The following KCNH1 variants were observed in gnomAD, a reference collection of about 807,000 sequenced individuals.
KCNH1 encodes potassium voltage-gated channel subfamily H member 1, also known as voltage-gated delayed rectifier potassium channel KCNH1.
A neutral mutation model predicts 69.2 loss-of-function variants in KCNH1; 27 were observed. That is an observed-to-expected ratio of 0.39 (90% CI 0.29 to 0.54). KCNH1 has a LOEUF of 0.54. Ranked by LOEUF, KCNH1 falls within the 20% of genes least tolerant of loss-of-function variation. The pLI, the probability that KCNH1 is intolerant of heterozygous loss-of-function variation, is 0.68. For synonymous variants in KCNH1, 456 were observed against 487.7 expected, an observed-to-expected ratio of 0.93 and a Z score of 0.86; for missense variants, 798 against 1,261.6, an observed-to-expected ratio of 0.63 and a Z score of 5.57.
chr1:210,966,232 C>G (rs1423671024), intron 6 of KCNH1, among the ~76,000 whole-genome samples: 6 of 152,052 alleles, frequency 3.9e-5, no homozygotes, highest in Non-Finnish European at 7.4e-5. Flanking sequence ...CAAAAATTAA[C>G]TCGAGATGGA....
chr1:211,116,900 A>C (rs1018146868), intron 1 of KCNH1, among the ~76,000 whole-genome samples: 4 of 152,220 alleles, frequency 2.6e-5, no homozygotes, highest in African/African-American at 9.7e-5. Context: ...ATATAATAGT[A>C]ATGGAGCTGA....
At chr1:210,841,954 C>A (rs1057038319) in intron 7 of KCNH1, among the ~76,000 whole-genome samples, 2 of 152,112 alleles carry the variant, frequency 1.3e-5, no homozygotes, top group African/African-American at 4.8e-5. Context: ...AAACTTCTGA[C>A]AAGCAGGTTT....
intron 5 of KCNH1, among the ~76,000 whole-genome samples, chr1:211,080,306 A>G (rs1337281333): frequency 6.6e-6 from 1 of 152,214 alleles, no homozygotes; most frequent in African/African-American, 2.4e-5. Flanking sequence ...CCACTGCTCG[A>G]TGAAATAAAA....
rs201832384 is a variant in KCNH1 at position 211,082,762 on chromosome 1, C to T, written c.558+18G>A. On this transcript the variant is annotated intron_variant, in intron 5 of 10. Transcript: ENST00000271751. ...CCCTAAAAGTGAGGCTCAAGATGAG[C>T]TAACCCTTTGCCCTTACCTCTGCCA... 6.3e-5 allele frequency: 101 copies of T among 1,597,280 alleles called. No individual in the cohort carries two copies. The African/African-American group carries it at 9.2e-4, about 15-fold the overall frequency.
chr1:210,832,006 G>A (rs1254091418), intron 7 of KCNH1, among the ~76,000 whole-genome samples: 3 of 151,974 alleles, frequency 2.0e-5, no homozygotes, highest in South Asian at 2.1e-4. Context: ...AAATAGTTAC[G>A]TGTGGTTAGT....
intron 8 of KCNH1, 98 bp downstream of exon 8, chr1:210,803,869 G>A (rs967917964): frequency 2.0e-5 from 21 of 1,055,680 alleles, no homozygotes; most frequent in Middle Eastern, 2.8e-4. Flanking sequence ...TGAATTCTGA[G>A]CACAGCCAGG....
intron 9 of KCNH1, among the ~76,000 whole-genome samples, chr1:210,788,716 A>C (rs1220078564): frequency 5.2e-5 from 3 of 57,552 alleles, no homozygotes; most frequent in African/African-American, 8.1e-5. Flanking sequence ...TTTTTTTTTG[A>C]GACGGAGTCT....
At chr1:210,708,698 T>A (rs1681975731) in intron 10 of KCNH1, among the ~76,000 whole-genome samples, 1 of 152,118 alleles carries the variant, frequency 6.6e-6, no homozygotes. Context: ...TAACTAGTAA[T>A]TTTAACTGGA....
chr1:211,127,720 G>T (rs971858182), intron 1 of KCNH1, among the ~76,000 whole-genome samples: 10 of 152,116 alleles, frequency 6.6e-5, no homozygotes, highest in Non-Finnish European at 1.5e-4. Context: ...CCAAATGCTG[G>T]CAAGGATGTG....
At chr1:211,128,102 A>G (rs2102503507) in intron 1 of KCNH1, among the ~76,000 whole-genome samples, 1 of 152,252 alleles carries the variant, frequency 6.6e-6, no homozygotes, top group African/African-American at 2.4e-5. Context: ...CAGCCTGACC[A>G]ACATGGTGAA....
In KCNH1 at chr1:210,868,868, T is replaced by C. The variant is rs538067999; in HGVS notation, c.1462+50772A>G. Reference sequence around the variant, plus strand: ...TGTTTATTCTTTGCATTTATCCATGTATGATGTTTTTCCTTCATTTGTATA... The same window carrying C: ...TGTTTATTCTTTGCATTTATCCATGCATGATGTTTTTCCTTCATTTGTATA... On this transcript the variant is annotated intron_variant, in intron 7 of 10. Coordinates refer to ENST00000271751, the MANE Select transcript of KCNH1 (RefSeq NM_172362.3). Among the ~76,000 whole-genome samples, 27 of 152,276 alleles carry C rather than the reference T, an allele frequency of 1.8e-4. No homozygotes were observed. In the South Asian group the frequency reaches 3.7e-3, roughly 21 times the overall value.
chr1:210,741,910 C>G (rs530887121), intron 10 of KCNH1, among the ~76,000 whole-genome samples: 3 of 152,128 alleles, frequency 2.0e-5, no homozygotes, highest in South Asian at 4.1e-4. Context: ...AGAAGAGCCC[C>G]GCTAGATTAA....
intron 9 of KCNH1, among the ~76,000 whole-genome samples, chr1:210,794,054 T>A (rs1441820493): frequency 3.9e-5 from 6 of 152,174 alleles, no homozygotes; most frequent in Admixed American, 3.9e-4. Context: ...AATATAGTTA[T>A]AATACCCATT....
intron 6 of KCNH1, among the ~76,000 whole-genome samples, chr1:210,999,748 T>C (rs182654856): frequency 6.6e-6 from 1 of 152,188 alleles, no homozygotes; most frequent in Non-Finnish European, 1.5e-5. Flanking sequence ...TGATGAACAC[T>C]GATGCAGAAA....
intron 9 of KCNH1, among the ~76,000 whole-genome samples, chr1:210,777,566 T>C (rs1558465394): frequency 6.6e-6 from 1 of 152,190 alleles, no homozygotes; most frequent in Non-Finnish European, 1.5e-5. Flanking sequence ...AATAGGCTCA[T>C]TTATTGTGTA....
intron 5 of KCNH1, among the ~76,000 whole-genome samples, chr1:211,056,728 G>A (rs1337629240): frequency 6.6e-6 from 1 of 152,168 alleles, no homozygotes; most frequent in Non-Finnish European, 1.5e-5. Context: ...AGAAAATAAG[G>A]GAAGAGAATA....
At chr1:210,773,245 C>A (rs890970999) in intron 10 of KCNH1, among the ~76,000 whole-genome samples, 4 of 152,168 alleles carry the variant, frequency 2.6e-5, no homozygotes, top group Admixed American at 6.5e-5. Context: ...CACCACTGCC[C>A]ACCCTCCACT....
At chr1:210,932,659 GA>G (rs560042518) in intron 6 of KCNH1, among the ~76,000 whole-genome samples, 1 of 151,538 alleles carries the variant, frequency 6.6e-6, no homozygotes, top group African/African-American at 2.4e-5. Flanking sequence ...AGAAGGAATG[GA>G]AAAAAAATAT....
intron 1 of KCNH1, among the ~76,000 whole-genome samples, chr1:211,127,999 T>C (rs1488715930): frequency 6.6e-6 from 1 of 152,018 alleles, no homozygotes; most frequent in Non-Finnish European, 1.5e-5. Flanking sequence ...GCAGTGAAAA[T>C]GCATCAACAG....
Sources: allele counts gnomAD v4.1 joint callset (sites outside exome capture counted in the v4.1 genomes callset), GRCh38; gene constraint gnomAD v4.1.1; transcripts MANE v1.5; gene names NCBI Gene and HGNC (gene_info 2026-07-23, HGNC 2026-07-21).